Variants in PPP2R2B observed in about 807,000 individuals in gnomAD.
PPP2R2B encodes the protein protein phosphatase 2 regulatory subunit Bbeta.
PPP2R2B carries 5 observed loss-of-function variants against 46.0 expected under a neutral mutation model. The observed-to-expected ratio is 0.11, with a 90% CI of 0.06 to 0.23. The LOEUF (loss-of-function observed/expected upper bound fraction) is 0.23. Ranked by LOEUF, PPP2R2B falls within the 10% of genes least tolerant of loss-of-function variation. The pLI is 1.00. For synonymous variants in PPP2R2B, 215 were observed against 206.7 expected (o/e 1.04, Z -0.34); for missense variants, 367 against 575.0 (o/e 0.64, Z 3.70).
chr5:147,080,884 C>G (rs1355020145), intron 2 of PPP2R2B, among the ~76,000 whole-genome samples: 1 of 150,750 alleles, frequency 6.6e-6, no homozygotes, highest in Non-Finnish European at 1.5e-5. Flanking sequence ...AAATAAATTT[C>G]AACAGAAAAA....
At chr5:146,776,236 T>C (rs1755173420) in intron 2 of PPP2R2B, among the ~76,000 whole-genome samples, 2 of 152,168 alleles carry the variant, frequency 1.3e-5, no homozygotes, top group Admixed American at 1.3e-4. Flanking sequence ...TCACATTTCC[T>C]AATTTCAAAA....
rs369464745 is a variant in PPP2R2B at position 146,585,259 on chromosome 5, T to TACACACACACACACATACACAC, written c.*4687_*4688insGTGTGTATGTGTGTGTGTGTGT. 3.2e-4 allele frequency: 41 copies of TACACACACACACACATACACAC among 129,952 alleles called. No individual in the cohort carries two copies. Among genetic ancestry groups the TACACACACACACACATACACAC allele is most frequent in the African/African-American group, 1.2e-3 (39 of 32,380 alleles). 8.0% of individuals were successfully genotyped at this position (129,952 alleles called of 1,614,324 possible). Reference sequence around the variant, plus strand: ...GATCAGTAACTTCCATCTACATGCATACACACACACACACACACACACACA... The same window carrying TACACACACACACACATACACAC: ...GATCAGTAACTTCCATCTACATGCATACACACACACACACATACACACACACACACACACACACACACACACA... On this transcript the variant is annotated 3_prime_UTR_variant, in exon 10 of 10. Coordinates refer to ENST00000394411, the MANE Select transcript of PPP2R2B (RefSeq NM_181675.4).
At chr5:146,903,715 A>G (rs1392549996) in intron 1 of PPP2R2B, among the ~76,000 whole-genome samples, 2 of 152,124 alleles carry the variant, frequency 1.3e-5, no homozygotes, top group East Asian at 3.9e-4. Flanking sequence ...CCACTGTTCT[A>G]ATGCTTAAGA....
At chr5:146,711,574 TG>T (rs1780214360) in intron 2 of PPP2R2B, among the ~76,000 whole-genome samples, 2 of 152,038 alleles carry the variant, frequency 1.3e-5, no homozygotes, top group Admixed American at 1.3e-4. Flanking sequence ...GCAGATGGGT[TG>T]GGGGAGAGAG....
At chr5:146,821,506 C>T (rs1208282556) in intron 2 of PPP2R2B, among the ~76,000 whole-genome samples, 1 of 152,190 alleles carries the variant, frequency 6.6e-6, no homozygotes, top group South Asian at 2.1e-4. Flanking sequence ...TTTGCTAGCC[C>T]TGCCTCTAGG....
intron 2 of PPP2R2B, among the ~76,000 whole-genome samples, chr5:146,797,819 A>G (rs1312980271): frequency 6.6e-6 from 1 of 152,154 alleles, no homozygotes; most frequent in African/African-American, 2.4e-5. Flanking sequence ...CCAACGCACA[A>G]CTGCAATTTT....
intron 1 of PPP2R2B, among the ~76,000 whole-genome samples, chr5:147,052,882 G>A (rs1193844050): frequency 6.6e-6 from 1 of 152,148 alleles, no homozygotes; most frequent in Non-Finnish European, 1.5e-5. Flanking sequence ...AAGCAGGCGT[G>A]AGGGCTCAGA....
At chr5:146,641,314 C>T (rs1775191691) in intron 6 of PPP2R2B, among the ~76,000 whole-genome samples, 1 of 152,128 alleles carries the variant, frequency 6.6e-6, no homozygotes, top group Non-Finnish European at 1.5e-5. Context: ...CACCATGCCA[C>T]TCTGCCTCCC....
chr5:147,079,467 T>TATAC (rs1757907124), intron 2 of PPP2R2B, among the ~76,000 whole-genome samples: 2 of 144,170 alleles, frequency 1.4e-5, no homozygotes, highest in African/African-American at 5.2e-5. Flanking sequence ...TATATATATA[T>TATAC]ATACATGTGC....
chr5:147,040,440 C>T (rs1183536340), intron 1 of PPP2R2B, among the ~76,000 whole-genome samples: 2 of 152,040 alleles, frequency 1.3e-5, no homozygotes, highest in African/African-American at 2.4e-5. Context: ...TTGGAGGAGG[C>T]TGTTCCCAGC....
At position 146,638,235 on chromosome 5, in the gene PPP2R2B, T is replaced by C. The variant is rs999242672; in HGVS notation, c.790+16A>G. The C allele has an allele frequency of 6.2e-7, 1 of 1,610,148 alleles. No individual in the cohort carries two copies. The highest frequency in any genetic ancestry group is 1.3e-5 in the African/African-American group (1 of 74,878). On this transcript the variant is annotated intron_variant, in intron 7 of 9. Coordinates refer to ENST00000394411, the MANE Select transcript of PPP2R2B (RefSeq NM_181675.4). ...CCAGTGGCCATGCCCCCCACCTCCCTTCAGTTGCTACTCACATTTGGTGTG... is the reference window on the plus strand; with the variant it reads ...CCAGTGGCCATGCCCCCCACCTCCCCTCAGTTGCTACTCACATTTGGTGTG...
At chr5:146,937,318 G>T (rs1459518885) in intron 1 of PPP2R2B, among the ~76,000 whole-genome samples, 1 of 151,802 alleles carries the variant, frequency 6.6e-6, no homozygotes, top group East Asian at 1.9e-4. Flanking sequence ...AAAAAAAAGG[G>T]GGGTTACTAG....
intron 2 of PPP2R2B, among the ~76,000 whole-genome samples, chr5:146,787,603 T>C (rs1368572030): frequency 1.3e-5 from 2 of 152,004 alleles, no homozygotes; most frequent in Non-Finnish European, 2.9e-5. Context: ...AGTCTCACTG[T>C]GTCACCCAGG....
intron 2 of PPP2R2B, among the ~76,000 whole-genome samples, chr5:146,785,112 T>G (rs916375543): frequency 1.3e-5 from 2 of 152,176 alleles, no homozygotes; most frequent in Non-Finnish European, 2.9e-5. Flanking sequence ...AGATAACTCA[T>G]TGAATAAACC....
intron 1 of PPP2R2B, among the ~76,000 whole-genome samples, chr5:146,900,814 C>T (rs1265361585): frequency 6.6e-6 from 1 of 151,540 alleles, no homozygotes; most frequent in Non-Finnish European, 1.5e-5. Flanking sequence ...CACTGGACAC[C>T]CCCCAGTGTG....
chr5:146,795,795 A>G (rs1189357145), intron 2 of PPP2R2B, among the ~76,000 whole-genome samples: 1 of 152,188 alleles, frequency 6.6e-6, no homozygotes, highest in Non-Finnish European at 1.5e-5. Flanking sequence ...TGTTTTGTCA[A>G]TTACATCTCA....
intron 2 of PPP2R2B, among the ~76,000 whole-genome samples, chr5:146,704,010 C>T (rs1779691104): frequency 2.0e-5 from 3 of 152,174 alleles, no homozygotes; most frequent in Admixed American, 6.5e-5. Context: ...TGTCTACTTC[C>T]CTTCAGAGAA....
At chr5:146,776,907 TATTA>T (rs983572207) in intron 2 of PPP2R2B, among the ~76,000 whole-genome samples, 1 of 152,088 alleles carries the variant, frequency 6.6e-6, no homozygotes, top group Non-Finnish European at 1.5e-5. Flanking sequence ...TGCTCAACAT[TATTA>T]ATTATTAGGA....
At chr5:146,789,626 C>T (rs1169033883) in intron 2 of PPP2R2B, among the ~76,000 whole-genome samples, 2 of 151,982 alleles carry the variant, frequency 1.3e-5, no homozygotes, top group Non-Finnish European at 2.9e-5. Flanking sequence ...GGGCATGGTC[C>T]CTGCCCTCAA....
Sources: allele counts gnomAD v4.1 joint callset (sites outside exome capture counted in the v4.1 genomes callset), GRCh38; gene constraint gnomAD v4.1.1; transcripts MANE v1.5; gene names NCBI Gene and HGNC (gene_info 2026-07-23, HGNC 2026-07-21).